The following VPS13A variants were observed in gnomAD, a reference collection of about 807,000 sequenced individuals.
VPS13A encodes intermembrane lipid transfer protein VPS13A.
A neutral mutation model predicts 390.9 loss-of-function variants in VPS13A; 264 were observed. The observed-to-expected ratio is 0.68, with a 90% CI of 0.61 to 0.75. VPS13A has a LOEUF of 0.75. Ranked by LOEUF, VPS13A falls within the 30% of genes least tolerant of loss-of-function variation. The pLI, the probability that VPS13A is intolerant of heterozygous loss-of-function variation, is 0.00. For missense variants in VPS13A, 3,409 were observed against 3,733.9 expected, an observed-to-expected ratio of 0.91 and a Z score of 2.27; for synonymous variants, 1,231 against 1,227.1, an observed-to-expected ratio of 1.00 and a Z score of -0.07.
At chr9:77,203,885 T>A (rs1825479586) in intron 3 of VPS13A, among the ~76,000 whole-genome samples, 1 of 152,126 alleles carries the variant, frequency 6.6e-6, no homozygotes, top group African/African-American at 2.4e-5. Context: ...GTTATTCCTC[T>A]TTTAGAAATC....
intron 13 of VPS13A, among the ~76,000 whole-genome samples, chr9:77,225,713 A>G (rs1335716540): frequency 6.6e-6 from 1 of 152,176 alleles, no homozygotes; most frequent in Admixed American, 6.6e-5. Context: ...TCATTTTTCA[A>G]AAAATTACTC....
chr9:77,233,967 T>A (rs1823988495), intron 17 of VPS13A, among the ~76,000 whole-genome samples: 1 of 152,186 alleles, frequency 6.6e-6, no homozygotes, highest in Non-Finnish European at 1.5e-5. Context: ...ATATTCCTCA[T>A]TTAATGGAAG....
At chr9:77,181,069 CAT>C (rs1200281640) in intron 1 of VPS13A, among the ~76,000 whole-genome samples, 3 of 152,036 alleles carry the variant, frequency 2.0e-5, no homozygotes, top group Non-Finnish European at 4.4e-5. Context: ...AATAAAATAA[CAT>C]GTCAGTGTTT....
At chr9:77,264,167 A>T (rs905282202) in intron 23 of VPS13A, among the ~76,000 whole-genome samples, 1 of 152,122 alleles carries the variant, frequency 6.6e-6, no homozygotes, top group Non-Finnish European at 1.5e-5. Context: ...CTGTTTTGGT[A>T]CCAGTACCAT....
chr9:77,402,801 TG>T (rs1421521935), intron 68 of VPS13A, among the ~76,000 whole-genome samples: 2 of 152,172 alleles, frequency 1.3e-5, no homozygotes, highest in East Asian at 3.9e-4. Flanking sequence ...AAAGCATATT[TG>T]TTACATACGA....
intron 47 of VPS13A, 27 bp from the exon 48 acceptor site, chr9:77,339,489 G>GTTTTTTTTTTTTTTTTTTTT (rs765264048): frequency 1.8e-6 from 2 of 1,122,350 alleles, no homozygotes; most frequent in Non-Finnish European, 1.2e-6. Flanking sequence ...TTTAAATTTT[G>GTTTTTTTTTTTTTTTTTTTT]TTTTGTTTTT....
Position 77,351,522 on chromosome 9 carries a change from G to T in VPS13A, c.7419+76G>T, listed in dbSNP as rs770438828. The T allele has an allele frequency of 1.9e-6, 3 of 1,559,720 alleles. No individual in the cohort carries two copies. The African/African-American group carries it at 4.1e-5, about 21-fold the overall frequency. ...ATTTGGGCCGGGTGCGGTGGCTCAC[G>T]CCTGTAATCCCAGCACTTTTGGGAG... On this transcript the variant is annotated intron_variant, in intron 53 of 71. Coordinates refer to ENST00000360280, the MANE Select transcript of VPS13A (RefSeq NM_033305.3).
intron 10 of VPS13A, among the ~76,000 whole-genome samples, chr9:77,216,486 A>G (rs1485439234): frequency 1.3e-5 from 2 of 152,204 alleles, no homozygotes; most frequent in Admixed American, 1.3e-4. Context: ...AATGGTGTCT[A>G]GTACGCAAGT....
At chr9:77,370,670 C>G (rs765825757) in intron 65 of VPS13A, 92 bp downstream of exon 65, 1 of 1,554,016 alleles carries the variant, frequency 6.4e-7, no homozygotes, top group Non-Finnish European at 8.8e-7. Context: ...GATTCTCACT[C>G]CTTAAATTAT....
At chr9:77,361,209 C>T (rs1209891357) in intron 59 of VPS13A, among the ~76,000 whole-genome samples, 1 of 152,056 alleles carries the variant, frequency 6.6e-6, no homozygotes, top group Non-Finnish European at 1.5e-5. Context: ...GTTGTACAAT[C>T]ATCATCACTC....
chr9:77,258,777 C>T (rs866532528), intron 22 of VPS13A, among the ~76,000 whole-genome samples: 8 of 151,974 alleles, frequency 5.3e-5, no homozygotes, highest in South Asian at 2.1e-4. Flanking sequence ...AAGATCTGTG[C>T]GATTTCTTGT....
At chr9:77,400,223 A>ATTTTTTTTTTTTTTTTTTTTT (rs34605855) in intron 68 of VPS13A, among the ~76,000 whole-genome samples, 21 of 88,110 alleles carry the variant, frequency 2.4e-4, no homozygotes, top group African/African-American at 1.1e-3. Context: ...TATCAGTCAG[A>ATTTTTTTTTTTTTTTTTTTTT]TTTTTTTTTT....
chr9:77,207,252 T>TATATATATATATATAA lies in VPS13A; in HGVS notation c.385+1174_385+1175insTATATATATATATAAA. On this transcript the variant is annotated intron_variant, in intron 5 of 71. Coordinates refer to ENST00000360280, the MANE Select transcript of VPS13A (RefSeq NM_033305.3). Reference sequence around the variant, plus strand: ...ATATATATATATATATATATATATATAAAACGTGTTATATGTAACATAACA... The same window carrying TATATATATATATATAA: ...ATATATATATATATATATATATATATATATATATATATATAAAAAACGTGTTATATGTAACATAACA... Among the ~76,000 whole-genome samples the TATATATATATATATAA allele has an allele frequency of 2.1e-3, 186 of 87,202 alleles. 12 individuals are homozygous for TATATATATATATATAA. Among genetic ancestry groups the TATATATATATATATAA allele is most frequent in the Non-Finnish European group, 3.4e-3 (148 of 43,136 alleles). 57.2% of individuals were successfully genotyped at this position (87,202 alleles called of 152,430 possible).
chr9:77,229,513 G>A (rs959692933), intron 17 of VPS13A, among the ~76,000 whole-genome samples: 7 of 152,188 alleles, frequency 4.6e-5, no homozygotes, highest in East Asian at 1.9e-4. Context: ...CAGTTCATAT[G>A]AATGTAGTCA....
At chr9:77,223,275 A>G (rs936672186) in intron 13 of VPS13A, among the ~76,000 whole-genome samples, 1 of 152,120 alleles carries the variant, frequency 6.6e-6, no homozygotes, top group East Asian at 1.9e-4. Context: ...GAGATAAAAT[A>G]TTGAAATTAG....
In VPS13A at chr9:77,256,526, C is replaced by T. The variant is rs141354535; in HGVS notation, c.2289-3560C>T. ...AGTTGGTCAATTTTATTGGTCCAGT[C>T]CCCTGTTTCCTTATTAATCTACTGC... On this transcript the variant is annotated intron_variant, in intron 22 of 71. Transcript: ENST00000360280. Among the ~76,000 whole-genome samples the T allele has an allele frequency of 5.8e-3, 875 of 152,158 alleles. 12 individuals carry two copies. Among genetic ancestry groups the T allele is most frequent in the African/African-American group, 0.02 (844 of 41,526 alleles).
chr9:77,335,562 C>T (rs1332834676), intron 46 of VPS13A, among the ~76,000 whole-genome samples: 1 of 152,140 alleles, frequency 6.6e-6, no homozygotes, highest in African/African-American at 2.4e-5. Context: ...AGACACTTCT[C>T]AAAAGAAGAC....
At chr9:77,182,390 G>A (rs192315957) in intron 1 of VPS13A, among the ~76,000 whole-genome samples, 3 of 152,246 alleles carry the variant, frequency 2.0e-5, no homozygotes, top group East Asian at 3.9e-4. Flanking sequence ...CACTGCGTCC[G>A]GCCATTTCAC....
At chr9:77,326,353 C>T (rs1830017927) in intron 45 of VPS13A, among the ~76,000 whole-genome samples, 3 of 150,624 alleles carry the variant, frequency 2.0e-5, no homozygotes, top group Non-Finnish European at 4.4e-5. Context: ...CTGTCTTTGC[C>T]CTCTCTTCTC....
Sources: allele counts gnomAD v4.1 joint callset (sites outside exome capture counted in the v4.1 genomes callset), GRCh38; gene constraint gnomAD v4.1.1; transcripts MANE v1.5; gene names NCBI Gene and HGNC (gene_info 2026-07-23, HGNC 2026-07-21).